Variants in MMP26 observed in about 807,000 individuals in gnomAD.
MMP26 encodes the protein matrix metallopeptidase 26, also known as matrix metalloproteinase-26.
In MMP26, 33 loss-of-function variants were observed where a neutral mutation model predicts 31.0. The observed-to-expected ratio is 1.06, with a 90% CI of 0.81 to 1.42. MMP26 has a LOEUF of 1.42. MMP26 is among the 40% of genes most tolerant of loss of function. The pLI is 0.00. For synonymous variants in MMP26, 122 were observed against 114.9 expected (o/e 1.06, Z -0.40); for missense variants, 347 against 316.1 (o/e 1.10, Z -0.74).
intron 2 of MMP26, chr11:4,890,521 G>C (rs769455655): frequency 6.5e-6 from 1 of 152,946 alleles, no homozygotes; most frequent in Non-Finnish European, 1.5e-5. Context: ...ATCCATATAT[G>C]GGCATGCTCC....
intron 2 of MMP26, among the ~76,000 whole-genome samples, chr11:4,985,802 A>G (rs962949059): frequency 2.6e-5 from 4 of 152,170 alleles, no homozygotes; most frequent in African/African-American, 7.2e-5. Context: ...AAGTGAATAT[A>G]TTTGTATTAC....
chr11:4,942,361 C>T (rs1846226855), intron 2 of MMP26, among the ~76,000 whole-genome samples: 1 of 151,926 alleles, frequency 6.6e-6, no homozygotes, highest in Non-Finnish European at 1.5e-5. Context: ...ATTCTTGTTA[C>T]TTTCTCTCCT....
At chr11:4,925,535 T>C (rs1318147941) in intron 2 of MMP26, among the ~76,000 whole-genome samples, 4 of 152,000 alleles carry the variant, frequency 2.6e-5, no homozygotes, top group South Asian at 2.1e-4. Flanking sequence ...TATGTAGCGA[T>C]TGTGGTGTGA....
intron 2 of MMP26, among the ~76,000 whole-genome samples, chr11:4,875,003 A>G (rs1390434388): frequency 6.6e-6 from 1 of 152,106 alleles, no homozygotes; most frequent in Non-Finnish European, 1.5e-5. Flanking sequence ...ACAGGAAAAA[A>G]AGTCAAGATG....
At chr11:4,922,146 CA>C (rs1192772102) in intron 2 of MMP26, among the ~76,000 whole-genome samples, 96 of 152,260 alleles carry the variant, frequency 6.3e-4, no homozygotes, top group African/African-American at 2.2e-3. Context: ...GGCCAACAAG[CA>C]TATGAAAAAA....
At chr11:4,882,132 C>T (rs371586430) in intron 2 of MMP26, 54 of 1,613,766 alleles carry the variant, frequency 3.3e-5, no homozygotes, top group African/African-American at 8.0e-5. Flanking sequence ...CTGACCATTA[C>T]GACCCTTCCC....
intron 2 of MMP26, among the ~76,000 whole-genome samples, chr11:4,964,983 T>G (rs1254130013): frequency 6.6e-6 from 1 of 152,112 alleles, no homozygotes; most frequent in Non-Finnish European, 1.5e-5. Flanking sequence ...GGCTTAATAC[T>G]TAGGTGATGG....
chr11:4,867,216 G>A (rs1850247703), intron 2 of MMP26, among the ~76,000 whole-genome samples: 1 of 151,762 alleles, frequency 6.6e-6, no homozygotes, highest in South Asian at 2.1e-4. Context: ...GTATCTAGAA[G>A]GAACTTAAAC....
At chr11:4,731,880 G>A (rs927784828) in intron 1 of MMP26, among the ~76,000 whole-genome samples, 1 of 152,168 alleles carries the variant, frequency 6.6e-6, no homozygotes, top group African/African-American at 2.4e-5. Flanking sequence ...TGTGGGGAAA[G>A]GATAAGATAT....
intron 2 of MMP26, among the ~76,000 whole-genome samples, chr11:4,845,724 T>C (rs1219042238): frequency 3.3e-5 from 5 of 152,038 alleles, no homozygotes. Flanking sequence ...CTAGAATATA[T>C]AAGGAGCTCT....
intron 2 of MMP26, among the ~76,000 whole-genome samples, chr11:4,809,883 A>G (rs535717388): frequency 3.9e-5 from 6 of 152,304 alleles, no homozygotes; most frequent in Admixed American, 2.6e-4. Flanking sequence ...AGGTGCCTGA[A>G]GTACAGATGA....
chr11:4,754,215 C>A (rs1374670262), intron 1 of MMP26, among the ~76,000 whole-genome samples: 1 of 151,150 alleles, frequency 6.6e-6, no homozygotes, highest in Non-Finnish European at 1.5e-5. Flanking sequence ...CAAAAAGATG[C>A]TAAAGCCTGG....
Position 4,953,377 on chromosome 11 carries a change from G to C in MMP26, c.-144-34691G>C, listed in dbSNP as rs1328659581. The stretch of plus-strand genomic sequence containing the variant: ...AGAAAATAGATAGGTTTCTTCAATC[G>C]CTCATAATACACTTTATTCAAGAAG... On this transcript the variant is annotated intron_variant, in intron 2 of 7. Transcript: ENST00000380390. Among the ~76,000 whole-genome samples, 3 of 124,024 alleles carry C rather than the reference G, an allele frequency of 2.4e-5. 1 individual carries two copies. Among genetic ancestry groups the C allele is most frequent in the East Asian group, 2.3e-4 (1 of 4,326 alleles). 81.4% of individuals were successfully genotyped at this position (124,024 alleles called of 152,430 possible). A position where few individuals can be genotyped will look rare whatever the true frequency, so the allele number is the denominator to read the frequency against.
At chr11:4,965,055 G>A (rs1309676710) in intron 2 of MMP26, among the ~76,000 whole-genome samples, 1 of 152,138 alleles carries the variant, frequency 6.6e-6, no homozygotes, top group Non-Finnish European at 1.5e-5. Context: ...CTGTCCACAT[G>A]CTGCACATGT....
intron 2 of MMP26, among the ~76,000 whole-genome samples, chr11:4,960,571 A>T (rs554286185): frequency 1.3e-4 from 19 of 147,714 alleles, no homozygotes; most frequent in Non-Finnish European, 2.4e-4. Flanking sequence ...CTTTTTCCAT[A>T]CTATTGCTTC....
At chr11:4,776,093 A>G (rs1404590940) in intron 2 of MMP26, among the ~76,000 whole-genome samples, 1 of 152,052 alleles carries the variant, frequency 6.6e-6, no homozygotes, top group Non-Finnish European at 1.5e-5. Context: ...CATGGCCTCC[A>G]GTTTCATCCA....
chr11:4,835,973 C>T (rs921295993), intron 2 of MMP26, among the ~76,000 whole-genome samples: 4 of 151,852 alleles, frequency 2.6e-5, no homozygotes, highest in African/African-American at 9.7e-5. Context: ...AAAAGACATA[C>T]ATTTATAAAA....
intron 1 of MMP26, among the ~76,000 whole-genome samples, chr11:4,732,103 G>A (rs1452096665): frequency 6.6e-6 from 1 of 152,120 alleles, no homozygotes; most frequent in African/African-American, 2.4e-5. Flanking sequence ...AAAATGACTG[G>A]TCATTACAAT....
intron 1 of MMP26, among the ~76,000 whole-genome samples, chr11:4,739,035 TGATATA>T (rs1848279172): frequency 6.6e-6 from 1 of 152,210 alleles, no homozygotes; most frequent in African/African-American, 2.4e-5. Flanking sequence ...ATAGCTGAGT[TGATATA>T]TAACTGTTGA....
Sources: gnomAD v4.1 joint callset for allele counts (sites outside exome capture counted in the v4.1 genomes callset) on GRCh38, gnomAD v4.1.1 for gene constraint, MANE v1.5 for transcripts, NCBI Gene and HGNC (gene_info 2026-07-23, HGNC 2026-07-21) for gene names.